XKR9: variants seen among roughly 807,000 people sequenced by gnomAD.
XKR9 encodes the protein XK related 9, also known as XK-related protein 9.
In XKR9, 32 loss-of-function variants were observed where a neutral mutation model predicts 32.0. The ratio of observed to expected loss-of-function variants is 1.00; its 90% CI spans 0.76 to 1.34. The LOEUF (loss-of-function observed/expected upper bound fraction) is 1.34. XKR9 is among the 40% of genes most tolerant of loss of function. The probability of loss-of-function intolerance (pLI) is 0.00; values close to 1 mark genes in which losing one functional copy is unlikely to be tolerated. For missense variants in XKR9, 546 were observed against 429.7 expected (o/e 1.27, Z -2.39); for synonymous variants, 168 against 143.4 (o/e 1.17, Z -1.22).
chr8:70,933,687 A>G, the XKR9 span, among the ~76,000 whole-genome samples: 1 of 152,082 alleles, frequency 6.6e-6, no homozygotes, highest in South Asian at 2.1e-4. Context: ...CCTATGCCTA[A>G]TCCCAGACTG....
chr8:70,759,349 G>A (rs567895543), intron 2 of XKR9, among the ~76,000 whole-genome samples: 2 of 152,242 alleles, frequency 1.3e-5, no homozygotes, highest in African/African-American at 4.8e-5. Context: ...TTTTAGAAAG[G>A]GGGTGGAGAG....
At chr8:70,804,644 A>G in the XKR9 span, among the ~76,000 whole-genome samples, 13 of 152,360 alleles carry the variant, frequency 8.5e-5, no homozygotes, top group South Asian at 2.7e-3. Context: ...ATTATGAAAC[A>G]TACTGTTGTC....
At chr8:70,730,681 A>C (rs945886831) in intron 4 of XKR9, among the ~76,000 whole-genome samples, 22 of 152,306 alleles carry the variant, frequency 1.4e-4, no homozygotes, top group African/African-American at 4.8e-4. Flanking sequence ...GAAAACCTTA[A>C]TCTGTGGCAA....
At chr8:70,816,337 T>A in the XKR9 span, among the ~76,000 whole-genome samples, 1 of 152,146 alleles carries the variant, frequency 6.6e-6, no homozygotes, top group Non-Finnish European at 1.5e-5. Flanking sequence ...AGTATGGAGA[T>A]TTCTGAAGGA....
At chr8:70,997,899 G>T in the XKR9 span, among the ~76,000 whole-genome samples, 2 of 152,032 alleles carry the variant, frequency 1.3e-5, no homozygotes, top group Non-Finnish European at 2.9e-5. Flanking sequence ...GAACTGATTG[G>T]GATTGTTGCT....
chr8:70,750,391 A>G (rs1317075018), intron 2 of XKR9, among the ~76,000 whole-genome samples: 1 of 152,164 alleles, frequency 6.6e-6, no homozygotes, highest in African/African-American at 2.4e-5. Flanking sequence ...CAATAAATCA[A>G]TCCATCAGCA....
At chr8:71,023,302 G>A in the XKR9 span, among the ~76,000 whole-genome samples, 1 of 152,114 alleles carries the variant, frequency 6.6e-6, no homozygotes, top group African/African-American at 2.4e-5. Context: ...GTGTTGGCTG[G>A]GTAGAGCGCT....
At chr8:70,979,469 T>C in the XKR9 span, among the ~76,000 whole-genome samples, 1 of 152,242 alleles carries the variant, frequency 6.6e-6, no homozygotes, top group East Asian at 1.9e-4. Flanking sequence ...TTTCTGTTTG[T>C]TAGTTTTCCT....
At chr8:70,669,750 C>T (rs1416761024) in intron 1 of XKR9, among the ~76,000 whole-genome samples, 30 of 150,278 alleles carry the variant, frequency 2.0e-4, no homozygotes, top group Non-Finnish European at 3.8e-4. Flanking sequence ...CACTGCAAGC[C>T]CCGCCTCCCG....
At chr8:71,002,153 T>C in the XKR9 span, among the ~76,000 whole-genome samples, 1 of 152,202 alleles carries the variant, frequency 6.6e-6, no homozygotes, top group East Asian at 1.9e-4. Flanking sequence ...TTTCAGGCCA[T>C]TGTGATACCA....
chr8:70,704,332 G>T (rs1805645361), intron 3 of XKR9, among the ~76,000 whole-genome samples: 3 of 152,036 alleles, frequency 2.0e-5, no homozygotes, highest in Non-Finnish European at 4.4e-5. Flanking sequence ...GCCATTAATT[G>T]TTTCAGAATT....
At chr8:71,063,882 T>C in the XKR9 span, among the ~76,000 whole-genome samples, 2 of 152,240 alleles carry the variant, frequency 1.3e-5, no homozygotes, top group Admixed American at 1.3e-4. Flanking sequence ...TCAGATTTAC[T>C]GATCAATGTA....
chr8:70,834,329 T>TA, the XKR9 span, among the ~76,000 whole-genome samples: 4 of 152,120 alleles, frequency 2.6e-5, no homozygotes, highest in African/African-American at 9.7e-5. Flanking sequence ...ACTATAGCAG[T>TA]ATTTATTCTT....
At chr8:70,837,611 A>G in the XKR9 span, among the ~76,000 whole-genome samples, 4 of 152,190 alleles carry the variant, frequency 2.6e-5, no homozygotes, top group South Asian at 8.3e-4. Context: ...TTGAAAAGGA[A>G]GGAAGAATAG....
chr8:70,850,554 C>A, the XKR9 span, among the ~76,000 whole-genome samples: 1 of 151,190 alleles, frequency 6.6e-6, no homozygotes, highest in Admixed American at 6.6e-5. Context: ...AACTGGCAAA[C>A]CGAATCCAGC....
chr8:70,878,324 A>G, the XKR9 span, among the ~76,000 whole-genome samples: 5 of 152,204 alleles, frequency 3.3e-5, no homozygotes, highest in Admixed American at 6.5e-5. Context: ...TTAAATGTAA[A>G]TGTGCTGAAT....
chr8:70,902,491 G>A, the XKR9 span, among the ~76,000 whole-genome samples: 6 of 152,134 alleles, frequency 3.9e-5, no homozygotes, highest in African/African-American at 1.2e-4. Context: ...TGTGATTTTT[G>A]CACATTGATT....
the XKR9 span, among the ~76,000 whole-genome samples, chr8:70,955,130 C>A: frequency 6.6e-6 from 1 of 152,134 alleles, no homozygotes; most frequent in Admixed American, 6.5e-5. Flanking sequence ...TTCTGTGTGA[C>A]CTTAGGGAAA....
At chr8:70,795,743 G>GT in the XKR9 span, among the ~76,000 whole-genome samples, 21 of 151,184 alleles carry the variant, frequency 1.4e-4, no homozygotes, top group Admixed American at 4.6e-4. Context: ...CTGATGTTGA[G>GT]TTTTTTTTTC....
Sources: allele counts gnomAD v4.1 joint callset (sites outside exome capture counted in the v4.1 genomes callset), GRCh38; gene constraint gnomAD v4.1.1; transcripts MANE v1.5; gene names NCBI Gene and HGNC (gene_info 2026-07-23, HGNC 2026-07-21).